Variants in SLC2A11 observed in about 807,000 individuals in gnomAD.
SLC2A11 encodes the protein solute carrier family 2, facilitated glucose transporter member 11.
A neutral mutation model predicts 52.1 loss-of-function variants in SLC2A11; 43 were observed. That is an observed-to-expected ratio of 0.82 (90% CI 0.65 to 1.06). The LOEUF is 1.06. Ranked by LOEUF, SLC2A11 falls within the 50% of genes least tolerant of loss-of-function variation. The probability of loss-of-function intolerance (pLI) is 0.00; values close to 1 mark genes in which losing one functional copy is unlikely to be tolerated. For missense variants in SLC2A11, 582 were observed against 654.2 expected, an observed-to-expected ratio of 0.89 and a Z score of 1.20; for synonymous variants, 261 against 277.6, an observed-to-expected ratio of 0.94 and a Z score of 0.59.
chr22:23,868,337 C>T, intron 2 of SLC2A11, 144 bp from the exon 3 acceptor site: 1 of 987,496 alleles, frequency 1.0e-6, no homozygotes, highest in African/African-American at 1.6e-5. Context: ...TTGGTTCCTG[C>T]TCCAGGGGGA....
Position 23,884,269 on chromosome 22 carries a change from C to A in SLC2A11, c.1172-33C>A. 1 of 1,595,030 alleles carries A rather than the reference C, an allele frequency of 6.3e-7. No individual in the cohort carries two copies. On this transcript the variant is annotated intron_variant, in intron 10 of 11. Transcript: ENST00000316185. The surrounding 1 kb of genome is among the most constrained non-coding windows in gnomAD (Gnocchi z 4.3). ...GGGAGAGGCAGGCAGGGAACCCTGG[C>A]CAGCAGCCCCCTGTCCCTGCCCCTC...
At chr22:23,861,799 C>T (rs766566330) in intron 1 of SLC2A11, among the ~76,000 whole-genome samples, 40 of 152,200 alleles carry the variant, frequency 2.6e-4, no homozygotes, top group African/African-American at 8.0e-4. Flanking sequence ...ACACAGCAGA[C>T]GTGCTCAGGG....
chr22:23,868,543 C>G lies in SLC2A11; in HGVS notation c.192C>G (p.His64Gln). ...QARTGEPLPD[H>Q]LVLLMWSLIV... ...GTACTGGAGAGCCACTGCCCGATCA[C>G]CTAGTCCTGCTTATGTGGTCCCTCA... is the stretch of plus-strand genomic sequence containing the variant. The change falls in exon 3 of 12, where the codon CAC becomes CAG. Residue 64 changes from histidine to glutamine, a missense_variant. Coordinates refer to ENST00000316185, the MANE Select transcript of SLC2A11 (RefSeq NM_001024939.4). 10 of 1,614,248 alleles carry G rather than the reference C, an allele frequency of 6.2e-6. No homozygotes were observed. Among genetic ancestry groups the G allele is most frequent in the Non-Finnish European group, 8.5e-6 (10 of 1,180,050 alleles).
At chr22:23,873,900 C>A (rs1263242775) in intron 3 of SLC2A11, among the ~76,000 whole-genome samples, 1 of 152,196 alleles carries the variant, frequency 6.6e-6, no homozygotes, top group Non-Finnish European at 1.5e-5. Context: ...TATTTTATCA[C>A]CAATGTGCTG....
Position 23,882,779 on chromosome 22 carries a change from C to T in SLC2A11, c.903C>T (p.Ser301=), listed in dbSNP as rs371467287. ...GNDSVYAYAS[S]VFRKAGVPEA... ...CCCAGGTGTACGCCTACGCCTCCTC[C>T]GTGTTCCGGAAGGCAGGAGTGCCGG... Residue 301 remains serine (S), a synonymous_variant, in exon 8 of 12, where the codon TCC becomes TCT. Coordinates refer to ENST00000316185, the MANE Select transcript of SLC2A11 (RefSeq NM_001024939.4). 23 of 1,613,124 alleles carry T rather than the reference C, an allele frequency of 1.4e-5. No homozygotes were observed. The highest frequency in any genetic ancestry group is 2.2e-5 in the East Asian group (1 of 44,808).
At chr22:23,857,576 A>AAC (rs1555884630), upstream of SLC2A11, 22 of 1,296,080 alleles carry the variant, frequency 1.7e-5, no homozygotes, top group African/African-American at 4.0e-4. Flanking sequence ...GGTGACCCCA[A>AAC]ACCCCCCCCC....
At chr22:23,863,698 C>A (rs1006514486) in intron 2 of SLC2A11, among the ~76,000 whole-genome samples, 1 of 145,208 alleles carries the variant, frequency 6.9e-6, no homozygotes. Flanking sequence ...TTCACTGCAA[C>A]CTCCGCCCCG....
intron 3 of SLC2A11, chr22:23,872,496 G>A (rs2032488469): frequency 6.6e-6 from 1 of 152,206 alleles, no homozygotes; most frequent in African/African-American, 2.4e-5. Context: ...AAAGGGTTGA[G>A]TGGCAGAGCT....
intron 6 of SLC2A11, among the ~76,000 whole-genome samples, chr22:23,878,086 C>G (rs2032683123): frequency 6.6e-6 from 1 of 152,234 alleles, no homozygotes; most frequent in Non-Finnish European, 1.5e-5. Flanking sequence ...GACCTAGCCA[C>G]TGTTACTCAA....
chr22:23,874,453 A>AT lies in SLC2A11; in HGVS notation c.291-649dup, dbSNP rs35493116. On this transcript the variant is annotated intron_variant, in intron 3 of 11. Coordinates refer to ENST00000316185, the MANE Select transcript of SLC2A11 (RefSeq NM_001024939.4). ...AGGCGTGCGCCATCATGCATGGCTA[A>AT]TTTTTTTTTTTTTTTGAGATGGAAT... Among the ~76,000 whole-genome samples, 530 of 144,368 alleles carry AT rather than the reference A, an allele frequency of 3.7e-3. 5 individuals are homozygous for AT. Among genetic ancestry groups the AT allele is most frequent in the East Asian group, 0.033 (163 of 4,900 alleles). The allele number at this position is 144,368 out of a possible 152,430, so 94.7% of individuals were successfully genotyped here.
chr22:23,873,984 G>A (rs1195785602), intron 3 of SLC2A11, among the ~76,000 whole-genome samples: 1 of 152,170 alleles, frequency 6.6e-6, no homozygotes, highest in African/African-American at 2.4e-5. Flanking sequence ...TATGATCACA[G>A]TGAGCTCTCC....
chr22:23,874,865 A>G, intron 3 of SLC2A11, among the ~76,000 whole-genome samples: 1 of 152,208 alleles, frequency 6.6e-6, no homozygotes, highest in East Asian at 1.9e-4. Context: ...GATTAAAGGC[A>G]TGAGCCACCA....
chr22:23,858,759 A>T (rs1170578367), intron 1 of SLC2A11, among the ~76,000 whole-genome samples: 2 of 152,082 alleles, frequency 1.3e-5, no homozygotes, highest in African/African-American at 4.8e-5. Flanking sequence ...AACACTTCCT[A>T]CGCCCCTTCA....
chr22:23,879,555 T>G (rs1003296791), intron 6 of SLC2A11: 4 of 152,336 alleles, frequency 2.6e-5, no homozygotes, highest in African/African-American at 7.2e-5. Flanking sequence ...CATGAGCCAT[T>G]GTATCTGGCT....
chr22:23,870,218 G>A (rs1328777435), intron 3 of SLC2A11: 1 of 581,532 alleles, frequency 1.7e-6, no homozygotes, highest in East Asian at 2.9e-5. Context: ...CTATTGCGCG[G>A]CTATCTCATG....
At chr22:23,870,660 T>A (rs1166387646) in intron 3 of SLC2A11, 1 of 152,016 alleles carries the variant, frequency 6.6e-6, no homozygotes, top group African/African-American at 2.4e-5. Flanking sequence ...TATTTTCACG[T>A]TCTGGGCTAA....
intron 6 of SLC2A11, 52 bp downstream of exon 6, chr22:23,877,921 T>A (rs1452875434): frequency 1.3e-6 from 2 of 1,549,730 alleles, no homozygotes; most frequent in Non-Finnish European, 8.7e-7. Flanking sequence ...GGGATGCATC[T>A]CCCCAGAGTA....
rs576416101 is a variant in SLC2A11, at chr22:23,877,356, T to C, written c.545+185T>C. 5.0e-6 allele frequency: 5 copies of C among 995,606 alleles called. No homozygotes were observed. The African/African-American group carries it at 6.4e-5, about 13-fold the overall frequency. 61.7% of individuals were successfully genotyped at this position (995,606 alleles called of 1,614,324 possible). A position where few individuals can be genotyped will look rare whatever the true frequency, so the allele number is the denominator to read the frequency against. ...ATGGGTATCAGTCAACACACTGCAATGTGAATCACCTTTTCCCATCCTCTC... is the reference window on the plus strand; with the variant it reads ...ATGGGTATCAGTCAACACACTGCAACGTGAATCACCTTTTCCCATCCTCTC... On this transcript the variant is annotated intron_variant, in intron 5 of 11. Transcript: ENST00000316185.
intron 3 of SLC2A11, 51 bp from the exon 4 acceptor site, chr22:23,875,066 C>T: frequency 6.7e-7 from 1 of 1,483,772 alleles, no homozygotes; most frequent in South Asian, 1.4e-5. Flanking sequence ...AGGGATGGTC[C>T]CGCTGGACTG....
Sources: gnomAD v4.1 joint callset for allele counts (sites outside exome capture counted in the v4.1 genomes callset) on GRCh38, gnomAD v4.1.1 for gene constraint, Gnocchi (gnomAD v3.1) non-coding constraint, MANE v1.5 for transcripts, NCBI Gene and HGNC (gene_info 2026-07-23, HGNC 2026-07-21) for gene names.